MEGF9: variants seen among roughly 807,000 people sequenced by gnomAD.
The protein encoded by MEGF9 is multiple EGF like domains 9, also known as multiple epidermal growth factor-like domains protein 9.
MEGF9 carries 6 observed loss-of-function variants against 46.8 expected under a neutral mutation model. The ratio of observed to expected loss-of-function variants is 0.13; its 90% CI spans 0.07 to 0.25. The LOEUF (loss-of-function observed/expected upper bound fraction) is 0.25. Among genes scored for constraint, MEGF9 ranks in the 10% least tolerant of loss-of-function variants. MEGF9 has a pLI of 1.00. For missense variants in MEGF9, 683 were observed against 792.4 expected, an observed-to-expected ratio of 0.86 and a Z score of 1.66; for synonymous variants, 302 against 330.7, an observed-to-expected ratio of 0.91 and a Z score of 0.94.
chr9:120,663,842 C>G (rs1248635516), intron 1 of MEGF9, among the ~76,000 whole-genome samples: 2 of 152,162 alleles, frequency 1.3e-5, no homozygotes, highest in Non-Finnish European at 2.9e-5. Context: ...TGTAAATGTT[C>G]TCACAGAGAG....
chr9:120,678,435 C>T (rs1285700641), intron 1 of MEGF9, among the ~76,000 whole-genome samples: 1 of 152,156 alleles, frequency 6.6e-6, no homozygotes, highest in South Asian at 2.1e-4. Context: ...TTCTCCACAT[C>T]CTCACCAGCA....
Position 120,607,870 on chromosome 9 carries a change from T to C in MEGF9, c.1228A>G (p.Lys410Glu), listed in dbSNP as rs1239789642. Reference sequence around the variant, plus strand: ...TCGGGCTTACAAATCTTTGGAGTTTTAACTGGGTCCACATGGCCGTGACAT... The same window carrying C: ...TCGGGCTTACAAATCTTTGGAGTTTCAACTGGGTCCACATGGCCGTGACAT... ...CQCHGHVDPVKTPKICKPESG... is the reference protein window; with the variant it reads ...CQCHGHVDPVETPKICKPESG... Residue 410 changes from lysine (K) to glutamate (E), a missense_variant, in exon 5 of 6, where the codon AAA becomes GAA. This residue lies in a region of MEGF9 where 313 missense variants were observed against 421.1 expected (regional missense o/e 0.74). Transcript: ENST00000373930. The C allele has an allele frequency of 6.2e-7, 1 of 1,614,058 alleles. No individual in the cohort carries two copies. The highest frequency in any genetic ancestry group is 2.2e-5 in the East Asian group (1 of 44,888).
chr9:120,682,708 G>A (rs1436987084), intron 1 of MEGF9, among the ~76,000 whole-genome samples: 4 of 152,188 alleles, frequency 2.6e-5, no homozygotes, highest in Admixed American at 6.5e-5. Context: ...TCAGCGTCCC[G>A]AGTAGCTGGG....
At chr9:120,666,801 A>G (rs1215762890) in intron 1 of MEGF9, among the ~76,000 whole-genome samples, 1 of 152,198 alleles carries the variant, frequency 6.6e-6, no homozygotes, top group Non-Finnish European at 1.5e-5. Flanking sequence ...ATAATGGAAC[A>G]CCATTCATCA....
Position 120,601,292 on chromosome 9 carries a change from T to C in MEGF9, c.*3898A>G, listed in dbSNP as rs1294044906. Reference sequence around the variant, plus strand: ...ATTCCTACCCACATAGCCCAAAATATAGGAACCAGGGATGTTCATTATAAG... The same window carrying C: ...ATTCCTACCCACATAGCCCAAAATACAGGAACCAGGGATGTTCATTATAAG... On this transcript the variant is annotated 3_prime_UTR_variant, in exon 6 of 6. Coordinates refer to ENST00000373930, the MANE Select transcript of MEGF9 (RefSeq NM_001080497.3). 18 of 152,186 alleles carry C rather than the reference T, an allele frequency of 1.2e-4. 1 individual carries two copies. The highest frequency in any genetic ancestry group is 1.2e-3 in the Admixed American group (18 of 15,278). 9.4% of individuals were successfully genotyped at this position (152,186 alleles called of 1,614,324 possible).
At chr9:120,700,370 C>T (rs897274896) in intron 1 of MEGF9, among the ~76,000 whole-genome samples, 1 of 152,202 alleles carries the variant, frequency 6.6e-6, no homozygotes, top group Non-Finnish European at 1.5e-5. Context: ...AATACACCAA[C>T]AATTCAGTAT....
chr9:120,658,312 A>G (rs552739159), intron 2 of MEGF9, among the ~76,000 whole-genome samples: 4 of 152,314 alleles, frequency 2.6e-5, no homozygotes, highest in Admixed American at 2.6e-4. Flanking sequence ...ATAAACTACA[A>G]TATGATACAA....
At chr9:120,680,958 T>G (rs2043796393) in intron 1 of MEGF9, among the ~76,000 whole-genome samples, 1 of 151,760 alleles carries the variant, frequency 6.6e-6, no homozygotes, top group Non-Finnish European at 1.5e-5. Context: ...GGTCCAGAAA[T>G]GCTGCCTAAG....
intron 2 of MEGF9, among the ~76,000 whole-genome samples, chr9:120,624,615 C>T (rs918328711): frequency 6.6e-6 from 1 of 152,196 alleles, no homozygotes; most frequent in African/African-American, 2.4e-5. Context: ...CACCTTTATC[C>T]CAGCACTTTG....
Position 120,605,382 on chromosome 9 carries a change from G to A in MEGF9, c.1617C>T (p.Arg539=), listed in dbSNP as rs766265557. 164 of 1,613,862 alleles carry A rather than the reference G, an allele frequency of 1.0e-4. No individual in the cohort carries two copies. The highest frequency in any genetic ancestry group is 1.2e-4 in the Non-Finnish European group (145 of 1,179,896). The change falls in exon 6 of 6, where the codon CGC becomes CGT. Residue 539 remains arginine (R), a synonymous_variant. Coordinates refer to ENST00000373930, the MANE Select transcript of MEGF9 (RefSeq NM_001080497.3). The surrounding 1 kb of genome is among the most constrained non-coding windows in gnomAD (Gnocchi z 4.0). ...MGFVGAVYMY[R]EYQNRKLNAP... is the part of the protein sequence containing the mutation. ...CATTGAGTTTCCGGTTTTGGTACTC[G>A]CGGTACATATATACAGCCCCCACAA... is the stretch of plus-strand genomic sequence containing the variant.
At chr9:120,619,102 T>G (rs2043486459) in intron 3 of MEGF9, among the ~76,000 whole-genome samples, 1 of 152,074 alleles carries the variant, frequency 6.6e-6, no homozygotes, top group Admixed American at 6.6e-5. Context: ...TCCCACCACT[T>G]TAGGAGGCCG....
chr9:120,620,840 AAG>A (rs1181435977), intron 3 of MEGF9, among the ~76,000 whole-genome samples: 1 of 130,898 alleles, frequency 7.6e-6, no homozygotes, highest in Non-Finnish European at 1.6e-5. Context: ...AGGCAGAGAC[AAG>A]ATCGCATAAA....
intron 1 of MEGF9, among the ~76,000 whole-genome samples, chr9:120,702,526 A>G (rs1411158): frequency 0.59 from 90,309 of 152,098 alleles, 29,309 homozygotes; most frequent in South Asian, 0.75. Context: ...CTTAGGTTTA[A>G]CTAATTAATA....
intron 1 of MEGF9, among the ~76,000 whole-genome samples, chr9:120,694,319 T>C (rs1015809931): frequency 1.3e-5 from 2 of 152,232 alleles, no homozygotes; most frequent in Non-Finnish European, 2.9e-5. Flanking sequence ...AGGTTCTTTA[T>C]TTGTAAAGTT....
chr9:120,678,136 T>C (rs1220333952), intron 1 of MEGF9, among the ~76,000 whole-genome samples: 2 of 152,248 alleles, frequency 1.3e-5, no homozygotes, highest in African/African-American at 4.8e-5. Context: ...TTCTGTTTTA[T>C]GGATGAATAG....
chr9:120,690,279 T>C (rs1420336306), intron 1 of MEGF9, among the ~76,000 whole-genome samples: 1 of 152,132 alleles, frequency 6.6e-6, no homozygotes, highest in Non-Finnish European at 1.5e-5. Flanking sequence ...GGGTATTTTG[T>C]TGACAAAACC....
chr9:120,677,423 G>A (rs893612894), intron 1 of MEGF9, among the ~76,000 whole-genome samples: 17 of 152,256 alleles, frequency 1.1e-4, no homozygotes, highest in South Asian at 1.0e-3. Context: ...GAGCCACTGC[G>A]TCTGGCATTT....
intron 1 of MEGF9, among the ~76,000 whole-genome samples, chr9:120,706,481 TA>T (rs1451530159): frequency 6.6e-6 from 1 of 152,112 alleles, no homozygotes; most frequent in Non-Finnish European, 1.5e-5. Flanking sequence ...AGAACCTAAT[TA>T]ATGAAACAAT....
chr9:120,648,548 T>C (rs138577617), intron 2 of MEGF9, among the ~76,000 whole-genome samples: 2 of 152,316 alleles, frequency 1.3e-5, no homozygotes, highest in Non-Finnish European at 2.9e-5. Flanking sequence ...CCCCGAATGT[T>C]TGCAAGTCTA....
Sources: gnomAD v4.1 joint callset for allele counts (sites outside exome capture counted in the v4.1 genomes callset) on GRCh38, gnomAD v4.1.1 for gene constraint, gnomAD v4.1.1 regional missense constraint, Gnocchi (gnomAD v3.1) non-coding constraint, MANE v1.5 for transcripts, NCBI Gene and HGNC (gene_info 2026-07-23, HGNC 2026-07-21) for gene names.